The following MAP4K2 variants were observed in gnomAD, a reference collection of about 807,000 sequenced individuals.
MAP4K2 encodes the protein B lymphocyte serine/threonine protein kinase.
In MAP4K2, 85 loss-of-function variants were observed where a neutral mutation model predicts 125.3. That is an observed-to-expected ratio of 0.68 (90% CI 0.57 to 0.81). The LOEUF (loss-of-function observed/expected upper bound fraction) is 0.81, where lower values mean the gene tolerates loss of function less well. MAP4K2 is among the 40% of genes least tolerant of loss of function. MAP4K2 has a pLI of 0.00. For synonymous variants in MAP4K2, 479 were observed against 445.1 expected, an observed-to-expected ratio of 1.08 and a Z score of -0.96; for missense variants, 923 against 1,056.4, an observed-to-expected ratio of 0.87 and a Z score of 1.75.
At chr11:64,794,237 C>T (rs1940658265) in intron 24 of MAP4K2, among the ~76,000 whole-genome samples, 3 of 152,264 alleles carry the variant, frequency 2.0e-5, no homozygotes, top group Admixed American at 2.0e-4. Context: ...ATGACAGCTG[C>T]ATTCTTCCTG....
rs115677619 is a variant in MAP4K2 at position 64,795,926 on chromosome 11, C to T, written c.1751+347G>A. ...AAGGACTTGCCCATCTCCCCCATTT[C>T]TTGAAAGCGAGGACTCATGGGATTC... On this transcript the variant is annotated intron_variant, in intron 24 of 31. Transcript: ENST00000294066. Among the ~76,000 whole-genome samples, 941 of 152,318 alleles carry T rather than the reference C, an allele frequency of 6.2e-3. 13 individuals carry two copies. Among genetic ancestry groups the T allele is most frequent in the African/African-American group, 0.022 (908 of 41,542 alleles).
intron 14 of MAP4K2, 78 bp downstream of exon 14, chr11:64,799,343 T>C: frequency 6.4e-7 from 1 of 1,553,476 alleles, no homozygotes; most frequent in Middle Eastern, 2.0e-4. Context: ...TCTCCCTTGA[T>C]TTGAGCTGCT....
chr11:64,792,140 G>A lies in MAP4K2; in HGVS notation c.1914+32C>T, dbSNP rs1227012869. On this transcript the variant is annotated intron_variant, in intron 26 of 31. Transcript: ENST00000294066. ...CCATTTCTCCCCCCAGAGCTCTGAG[G>A]GTGCCCTGGGCCTCCCCCCACCGCC... 4 of 1,588,456 alleles carry A rather than the reference G, an allele frequency of 2.5e-6. No individual in the cohort carries two copies. In the South Asian group the frequency reaches 3.4e-5, roughly 14 times the overall value.
intron 2 of MAP4K2, 45 bp downstream of exon 2, chr11:64,802,840 C>A: frequency 6.4e-7 from 1 of 1,574,124 alleles, no homozygotes; most frequent in East Asian, 2.3e-5. Flanking sequence ...CGCCCGCGGG[C>A]GCTCTGCCCT....
At position 64,801,044 on chromosome 11, in the gene MAP4K2, T is replaced by C; in HGVS notation, c.531-13A>G. ...CTCGGGAGCCATCCTAGAGGTGGGGTCACAGATGGGATGGCCGGGTGCCCT... is the reference window on the plus strand; with the variant it reads ...CTCGGGAGCCATCCTAGAGGTGGGGCCACAGATGGGATGGCCGGGTGCCCT... On this transcript the variant is annotated splice_polypyrimidine_tract_variant and intron_variant, in intron 8 of 31. Transcript: ENST00000294066. 6.2e-7 allele frequency: 1 copy of C among 1,613,692 alleles called. No homozygotes were observed. The highest frequency in any genetic ancestry group is 8.5e-7 in the Non-Finnish European group (1 of 1,179,964).
At chr11:64,796,223 C>T in intron 24 of MAP4K2, 50 bp downstream of exon 24, 3 of 1,472,868 alleles carry the variant, frequency 2.0e-6, no homozygotes, top group Non-Finnish European at 2.7e-6. Context: ...ATGTTCCAGC[C>T]CCTCCCTGCC....
intron 3 of MAP4K2, 21 bp from the exon 4 acceptor site, chr11:64,802,504 T>G (rs1387307001): frequency 6.4e-7 from 1 of 1,550,578 alleles, no homozygotes; most frequent in South Asian, 1.2e-5. Flanking sequence ...AGAGCTGGGG[T>G]GGGCACAAAG....
intron 2 of MAP4K2, 43 bp from the exon 3 acceptor site, chr11:64,802,696 C>G: frequency 6.3e-7 from 1 of 1,586,984 alleles, no homozygotes; most frequent in Non-Finnish European, 8.6e-7. Context: ...GCTGGGGTTG[C>G]CCTGACTCAG....
intron 5 of MAP4K2, 133 bp downstream of exon 5, chr11:64,801,932 CT>C: frequency 1.7e-6 from 2 of 1,172,778 alleles, no homozygotes; most frequent in Non-Finnish European, 1.2e-6. Flanking sequence ...GCTGGGGCCC[CT>C]TTTCCCCAGG....
chr11:64,801,603 TGAG>T lies in MAP4K2; in HGVS notation c.430_432del (p.Leu144del). 6.2e-7 allele frequency: 1 copy of T among 1,613,494 alleles called. No homozygotes were observed. Among genetic ancestry groups the T allele is most frequent in the Non-Finnish European group, 8.5e-7 (1 of 1,179,838 alleles). On this transcript the variant is annotated inframe_deletion, in exon 7 of 32. Transcript: ENST00000294066. ...CCCAGTTTGACATCTCCCTGGAGAG[TGAG>T]GAGAAGGTTGGCTCCCTGTGGGAAT...
chr11:64,797,603 TC>T, intron 16 of MAP4K2, 22 bp downstream of exon 16: 1 of 1,572,994 alleles, frequency 6.4e-7, no homozygotes, highest in Non-Finnish European at 8.6e-7. Context: ...CCCTTGCCCC[TC>T]CCCCAGGCCC....
chr11:64,789,720 C>A lies in MAP4K2; in HGVS notation c.2375+10G>T. 6.2e-7 allele frequency: 1 copy of A among 1,614,088 alleles called. No homozygotes were observed. The highest frequency in any genetic ancestry group is 8.5e-7 in the Non-Finnish European group (1 of 1,179,974). On this transcript the variant is annotated intron_variant, in intron 31 of 31. Transcript: ENST00000294066. ...GCATCTGAAGGGGAGGCTAGGGTACCACCGCCTACCTGTGGGCCCCAAGCA... is the reference window on the plus strand; with the variant it reads ...GCATCTGAAGGGGAGGCTAGGGTACAACCGCCTACCTGTGGGCCCCAAGCA...
At position 64,793,239 on chromosome 11, in the gene MAP4K2, G is replaced by C. The variant is rs147465484; in HGVS notation, c.1752-817C>G. ...CTCAAAAAAAAAGAAAAAGAAAAAAGGAATGAAGAAATGAGAGCATGGAGG... is the reference window on the plus strand; with the variant it reads ...CTCAAAAAAAAAGAAAAAGAAAAAACGAATGAAGAAATGAGAGCATGGAGG... On this transcript the variant is annotated intron_variant, in intron 24 of 31. Coordinates refer to ENST00000294066, the MANE Select transcript of MAP4K2 (RefSeq NM_004579.5). Among the ~76,000 whole-genome samples, 4 of 151,986 alleles carry C rather than the reference G, an allele frequency of 2.6e-5. No individual in the cohort carries two copies. The East Asian group carries it at 5.8e-4, about 22-fold the overall frequency.
chr11:64,791,799 A>C lies in MAP4K2; in HGVS notation c.2092+110T>G, dbSNP rs114577208. ...ATGGCAGCCCTCAAGGTCTCTGTGG[A>C]GCCACTGGCTGTGGGGAGCCTAGTT... On this transcript the variant is annotated intron_variant, in intron 27 of 31. Transcript: ENST00000294066. 2,193 of 1,200,712 alleles carry C rather than the reference A, an allele frequency of 1.8e-3. 32 individuals carry two copies. In the African/African-American group the frequency reaches 0.031, roughly 17 times the overall value. 74.4% of individuals were successfully genotyped at this position (1,200,712 alleles called of 1,614,324 possible). A position where few individuals can be genotyped will look rare whatever the true frequency, so the allele number is the denominator to read the frequency against.
intron 5 of MAP4K2, 73 bp from the exon 6 acceptor site, chr11:64,801,830 T>C (rs1241399813): frequency 6.5e-7 from 1 of 1,536,602 alleles, no homozygotes; most frequent in Middle Eastern, 1.8e-4. Flanking sequence ...CTCTCAGGAC[T>C]GGGGCCCCCC....
rs767202693 is a variant in MAP4K2 at position 64,803,119 on chromosome 11, C to T, written c.31G>A (p.Asp11Asn). 1 of 1,577,642 alleles carries T rather than the reference C, an allele frequency of 6.3e-7. No homozygotes were observed. The highest frequency in any genetic ancestry group is 8.5e-7 in the Non-Finnish European group (1 of 1,170,352). ...AGCAGCTCGAAGCGGTCCCGCGGGTCCTGCAGCGACACATCCCGCAGCAGC... is the reference window on the plus strand; with the variant it reads ...AGCAGCTCGAAGCGGTCCCGCGGGTTCTGCAGCGACACATCCCGCAGCAGC... MALLRDVSLQ[D>N]PRDRFELLQR... Residue 11 changes from aspartate to asparagine, a missense_variant, in exon 1 of 32, where the codon GAC (aspartate) becomes AAC (asparagine). By Grantham distance (23) the Asp-to-Asn change is conservative. Around this residue, in one of 2 missense-constraint regions of MAP4K2, gnomAD observed 833 missense variants for 911.4 expected, o/e 0.91. Transcript: ENST00000294066.
In MAP4K2 at chr11:64,785,512, C is replaced by T. The variant is rs1291060254; in HGVS notation, c.*4025G>A. ...TCACCATCTAGGGAAACGTCCTCTT[C>T]GTTTTTGGTCTTGTCTTTCAAGCGA... On this transcript the variant is annotated 3_prime_UTR_variant, in exon 32 of 32. Coordinates refer to ENST00000294066, the MANE Select transcript of MAP4K2 (RefSeq NM_004579.5). The T allele has an allele frequency of 2.6e-5, 4 of 151,876 alleles. No individual in the cohort carries two copies. Among genetic ancestry groups the T allele is most frequent in the Non-Finnish European group, 2.9e-5 (2 of 68,000 alleles). The allele number at this position is 151,876 out of a possible 1,614,324, so 9.4% of individuals were successfully genotyped here. A position where few individuals can be genotyped will look rare whatever the true frequency, so the allele number is the denominator to read the frequency against.
In MAP4K2 at chr11:64,800,834, G is replaced by A. The variant is rs1403082490; in HGVS notation, c.663-8C>T. ...GACATGAGCATCAGGGCCCTGTGGA[G>A]GGCGCGAGGTCAGGGGCCACAGGCC... On this transcript the variant is annotated splice_region_variant and splice_polypyrimidine_tract_variant and intron_variant, in intron 9 of 31. Coordinates refer to ENST00000294066, the MANE Select transcript of MAP4K2 (RefSeq NM_004579.5). 1.2e-6 allele frequency: 2 copies of A among 1,613,062 alleles called. No homozygotes were observed. Among genetic ancestry groups the A allele is most frequent in the African/African-American group, 1.3e-5 (1 of 75,054 alleles).
Position 64,790,468 on chromosome 11 carries a change from G to A in MAP4K2, c.2093-6C>T, listed in dbSNP as rs1326535240. 1.2e-6 allele frequency: 2 copies of A among 1,613,664 alleles called. No individual in the cohort carries two copies. The highest frequency in any genetic ancestry group is 1.3e-5 in the African/African-American group (1 of 75,034). On this transcript the variant is annotated splice_polypyrimidine_tract_variant and splice_region_variant and intron_variant, in intron 27 of 31. Transcript: ENST00000294066. ...GGCCGAGCCTGGGATCCCCTCTGCAGGCAGAGAAGAGAGACATGGCCTGGC... is the reference window on the plus strand; with the variant it reads ...GGCCGAGCCTGGGATCCCCTCTGCAAGCAGAGAAGAGAGACATGGCCTGGC...
Sources: gnomAD v4.1 joint callset for allele counts (sites outside exome capture counted in the v4.1 genomes callset) on GRCh38, gnomAD v4.1.1 for gene constraint, gnomAD v4.1.1 regional missense constraint, MANE v1.5 for transcripts, NCBI Gene and HGNC (gene_info 2026-07-23, HGNC 2026-07-21) for gene names.